COBLL1: variants seen among roughly 807,000 people sequenced by gnomAD.
COBLL1 encodes the protein cordon-bleu protein-like 1.
A neutral mutation model predicts 94.8 loss-of-function variants in COBLL1; 50 were observed. The observed-to-expected ratio is 0.53, with a 90% confidence interval of 0.42 to 0.67. COBLL1 has a LOEUF of 0.67. COBLL1 is among the 30% of genes least tolerant of loss of function. The pLI, the probability that COBLL1 is intolerant of heterozygous loss-of-function variation, is 0.00. For missense variants in COBLL1, 1,362 were observed against 1,348.7 expected, an observed-to-expected ratio of 1.01 and a Z score of -0.15; for synonymous variants, 448 against 473.8, an observed-to-expected ratio of 0.95 and a Z score of 0.71.
chr2:164,711,735 T>G (rs1574455098), intron 7 of COBLL1, among the ~76,000 whole-genome samples: 1 of 152,242 alleles, frequency 6.6e-6, no homozygotes, highest in Admixed American at 6.5e-5. Flanking sequence ...ACATTTACTT[T>G]GTTCAAATTA....
intron 13 of COBLL1, among the ~76,000 whole-genome samples, chr2:164,690,918 A>C (rs1013423754): frequency 4.5e-4 from 69 of 152,212 alleles, no homozygotes; most frequent in African/African-American, 1.6e-3. Flanking sequence ...TTTATTAACA[A>C]GGGCATTTAT....
intron 2 of COBLL1, among the ~76,000 whole-genome samples, chr2:164,839,100 T>C (rs1479335874): frequency 3.9e-5 from 6 of 152,220 alleles, no homozygotes; most frequent in Non-Finnish European, 8.8e-5. Flanking sequence ...ATTTTTCAGG[T>C]AATGATAACT....
intron 7 of COBLL1, among the ~76,000 whole-genome samples, chr2:164,714,697 C>T (rs1184316351): frequency 6.6e-6 from 1 of 152,070 alleles, no homozygotes; most frequent in Non-Finnish European, 1.5e-5. Context: ...TTCTATCTGC[C>T]CTGGCCTCTG....
intron 2 of COBLL1, among the ~76,000 whole-genome samples, chr2:164,795,608 A>C (rs1683409456): frequency 6.6e-6 from 1 of 152,110 alleles, no homozygotes; most frequent in African/African-American, 2.4e-5. Context: ...TTAAAAGTCT[A>C]CATGTATTTT....
intron 2 of COBLL1, among the ~76,000 whole-genome samples, chr2:164,832,978 G>A (rs922965933): frequency 2.6e-5 from 4 of 152,106 alleles, no homozygotes; most frequent in Non-Finnish European, 5.9e-5. Context: ...GGGAGAGGGA[G>A]GTTGTGGTGA....
intron 2 of COBLL1, among the ~76,000 whole-genome samples, chr2:164,754,982 A>G: frequency 6.6e-6 from 1 of 152,034 alleles, no homozygotes; most frequent in South Asian, 2.1e-4. Context: ...GGATGACATA[A>G]TAATACTTCA....
chr2:164,659,931 G>A lies in COBLL1; in HGVS notation n.181+5916C>T, dbSNP rs1041306698. ...CAAAGCAATGAGCTAATGTTCAAGG[G>A]ATTTGTGGGTATTGCATACTCCATG... On this transcript the variant is annotated intron_variant and non_coding_transcript_variant, in intron 2 of 2. Transcript: ENST00000495084. Among the ~76,000 whole-genome samples the A allele has an allele frequency of 5.9e-5, 9 of 152,282 alleles. No individual in the cohort carries two copies. The East Asian group carries it at 1.5e-3, about 26-fold the overall frequency.
At chr2:164,805,325 CTCTCTCTCTCTCTATATATA>C (rs1277040246) in intron 2 of COBLL1, among the ~76,000 whole-genome samples, 4 of 31,530 alleles carry the variant, frequency 1.3e-4, no homozygotes, top group South Asian at 1.1e-3. Context: ...CTCTCTCTCT[CTCTCTCTCTCTCTATATATA>C]TATATATATA....
chr2:164,751,203 T>C (rs1687108867), intron 2 of COBLL1, among the ~76,000 whole-genome samples: 1 of 152,132 alleles, frequency 6.6e-6, no homozygotes, highest in Admixed American at 6.5e-5. Context: ...ACTCTTCACA[T>C]AGCCCTGCTT....
intron 2 of COBLL1, among the ~76,000 whole-genome samples, chr2:164,806,234 T>C (rs985183960): frequency 2.0e-5 from 3 of 152,170 alleles, no homozygotes; most frequent in Non-Finnish European, 4.4e-5. Context: ...TCCCAAGGAA[T>C]ATACAGTGAC....
At position 164,694,633 on chromosome 2, in the gene COBLL1, C is replaced by CTTA. The variant is rs1558925203; in HGVS notation, c.2756_2758dup (p.Leu919_Ser920insIle). 1 of 1,613,850 alleles carries CTTA rather than the reference C, an allele frequency of 6.2e-7. No individual in the cohort carries two copies. The highest frequency in any genetic ancestry group is 1.1e-5 in the South Asian group (1 of 91,074). On this transcript the variant is annotated inframe_insertion, in exon 12 of 14. Transcript: ENST00000652658. Reference sequence around the variant, plus strand: ...TTGTGGAACAGAGTGAGGCATTTTACTTAAGGGAGAAAGAGTCTGCTCCGG... The same window carrying CTTA: ...TTGTGGAACAGAGTGAGGCATTTTACTTATTAAGGGAGAAAGAGTCTGCTCCGG...
rs971205309 is a variant in COBLL1, at chr2:164,694,278, C to T, written c.3114G>A (p.Val1038=). Residue 1038 remains valine, a synonymous_variant, in exon 12 of 14, where the codon GTG becomes GTA. Transcript: ENST00000652658. ...AAAAGGCTACAGTTACCTTATCAGA[C>T]ACACCAAGCTGTGGGATGTCCACAA... ...NKFVDIPQLG[V]SDKENNSAHN... 2 of 1,612,370 alleles carry T rather than the reference C, an allele frequency of 1.2e-6. No homozygotes were observed. Among genetic ancestry groups the T allele is most frequent in the Admixed American group, 1.7e-5 (1 of 59,816 alleles).
intron 2 of COBLL1, among the ~76,000 whole-genome samples, chr2:164,811,375 C>G (rs547785367): frequency 6.6e-6 from 1 of 151,906 alleles, no homozygotes; most frequent in Admixed American, 6.6e-5. Context: ...TTTTACCATA[C>G]GCAAATTGTG....
At chr2:164,760,394 A>T (rs1178715319) in intron 2 of COBLL1, among the ~76,000 whole-genome samples, 1 of 152,202 alleles carries the variant, frequency 6.6e-6, no homozygotes, top group East Asian at 1.9e-4. Flanking sequence ...TGGAGGCATG[A>T]TGAGACTATT....
intron 2 of COBLL1, among the ~76,000 whole-genome samples, chr2:164,777,417 A>C (rs1046839816): frequency 2.0e-5 from 3 of 151,946 alleles, no homozygotes; most frequent in Admixed American, 6.6e-5. Context: ...TTCTTTTTAA[A>C]ATTTTCTTTG....
Position 164,729,930 on chromosome 2 carries a change from GTAGGT to G in COBLL1, c.411_415del (p.Lys137AsnfsTer14). ...AATTCTTACCTCTGGTATTATAGGT[GTAGGT>G]TTTTTCTTATCCAACATTTTTGGCT... On this transcript the variant is annotated frameshift_variant, in exon 4 of 14. Coordinates refer to ENST00000652658, the MANE Select transcript of COBLL1 (RefSeq NM_001365672.2). LOFTEE classifies it high-confidence loss of function. 6.2e-7 allele frequency: 1 copy of G among 1,612,818 alleles called. No individual in the cohort carries two copies. The highest frequency in any genetic ancestry group is 1.1e-5 in the South Asian group (1 of 91,050).
chr2:164,818,483 A>G (rs1468432914), intron 2 of COBLL1, among the ~76,000 whole-genome samples: 1 of 149,528 alleles, frequency 6.7e-6, no homozygotes, highest in Admixed American at 6.7e-5. Flanking sequence ...TTTACAATGT[A>G]TACATATACA....
At chr2:164,719,716 TTC>T (rs1685352410) in intron 7 of COBLL1, among the ~76,000 whole-genome samples, 2 of 152,218 alleles carry the variant, frequency 1.3e-5, no homozygotes, top group Admixed American at 1.3e-4. Context: ...TCTGCAAAAA[TTC>T]TATTTCTAAA....
At chr2:164,691,797 TA>T (rs1683610062) in intron 13 of COBLL1, among the ~76,000 whole-genome samples, 2 of 152,190 alleles carry the variant, frequency 1.3e-5, no homozygotes, top group Non-Finnish European at 2.9e-5. Flanking sequence ...GTTTAACCTA[TA>T]AAACTCTTCC....
Sources: gnomAD v4.1 joint callset for allele counts (sites outside exome capture counted in the v4.1 genomes callset) on GRCh38, gnomAD v4.1.1 for gene constraint, MANE v1.5 for transcripts, NCBI Gene and HGNC (gene_info 2026-07-23, HGNC 2026-07-21) for gene names.